MATCAP2: variants seen among roughly 807,000 people sequenced by gnomAD.
MATCAP2 encodes microtubule associated tyrosine carboxypeptidase 2.
the MATCAP2 span, among the ~76,000 whole-genome samples, chr7:36,387,761 TC>T: frequency 6.6e-6 from 1 of 152,186 alleles, no homozygotes; most frequent in African/African-American, 2.4e-5. Flanking sequence ...CCTCTTTTAG[TC>T]TTAACTAGAA....
At chr7:36,333,990 T>TA in the MATCAP2 span, 1 of 1,614,028 alleles carries the variant, frequency 6.2e-7, no homozygotes, top group Non-Finnish European at 8.5e-7. Flanking sequence ...ATAAACAGTG[T>TA]AGTAGAGGAG....
At chr7:36,342,451 C>T in the MATCAP2 span, among the ~76,000 whole-genome samples, 1 of 152,080 alleles carries the variant, frequency 6.6e-6, no homozygotes, top group South Asian at 2.1e-4. Flanking sequence ...TGCAGAACAC[C>T]ACCACATGAA....
chr7:36,353,796 A>G, the MATCAP2 span, among the ~76,000 whole-genome samples: 4 of 152,094 alleles, frequency 2.6e-5, no homozygotes, highest in Admixed American at 2.0e-4. Context: ...GTTTATTCTT[A>G]AAGTATCCAT....
the MATCAP2 span, among the ~76,000 whole-genome samples, chr7:36,346,073 T>C: frequency 2.6e-5 from 4 of 152,092 alleles, no homozygotes; most frequent in African/African-American, 7.2e-5. Flanking sequence ...CATCAGGGAA[T>C]TGCAAATCAA....
the MATCAP2 span, among the ~76,000 whole-genome samples, chr7:36,386,548 T>G: frequency 6.6e-6 from 1 of 151,494 alleles, no homozygotes; most frequent in East Asian, 1.9e-4. Context: ...ACCAAAAAAT[T>G]GGCAAGCCGA....
chr7:36,364,104 T>C, the MATCAP2 span, among the ~76,000 whole-genome samples: 1 of 141,478 alleles, frequency 7.1e-6, no homozygotes, highest in East Asian at 2.0e-4. Flanking sequence ...TTTTTTTTTT[T>C]TGTGACAGGG....
At chr7:36,347,048 C>T in the MATCAP2 span, among the ~76,000 whole-genome samples, 5 of 152,176 alleles carry the variant, frequency 3.3e-5, no homozygotes, top group East Asian at 1.9e-4. Context: ...CCTGAGCCAC[C>T]GTGTCCGGTC....
chr7:36,383,511 C>T, the MATCAP2 span, among the ~76,000 whole-genome samples: 72 of 152,256 alleles, frequency 4.7e-4, no homozygotes, highest in African/African-American at 1.7e-3. Context: ...GTGTCCTTTG[C>T]AGGGACATGG....
chr7:36,338,470 A>G, the MATCAP2 span, among the ~76,000 whole-genome samples: 1 of 151,696 alleles, frequency 6.6e-6, no homozygotes, highest in Admixed American at 6.6e-5. Context: ...CTAATTTTTA[A>G]AATTTTTTGT....
the MATCAP2 span, chr7:36,390,053 GT>G: frequency 1.9e-6 from 3 of 1,613,652 alleles, no homozygotes; most frequent in African/African-American, 2.7e-5. Flanking sequence ...AGGTGAGTGA[GT>G]TTGCGGGTGC....
At chr7:36,377,325 G>A in the MATCAP2 span, among the ~76,000 whole-genome samples, 13 of 152,152 alleles carry the variant, frequency 8.5e-5, no homozygotes, top group Non-Finnish European at 1.5e-4. Context: ...GCATTTGTTT[G>A]TTTATAAAGG....
At chr7:36,358,153 G>C in the MATCAP2 span, among the ~76,000 whole-genome samples, 2 of 151,430 alleles carry the variant, frequency 1.3e-5, no homozygotes, top group African/African-American at 4.9e-5. Flanking sequence ...AGCTGAGATC[G>C]CACCACTGCA....
the MATCAP2 span, among the ~76,000 whole-genome samples, chr7:36,364,330 C>T: frequency 1.6e-3 from 239 of 152,202 alleles, no homozygotes; most frequent in African/African-American, 5.5e-3. Flanking sequence ...TCAGGTAATC[C>T]GCCTGCTCTC....
At chr7:36,383,903 T>A in the MATCAP2 span, 209 of 1,603,768 alleles carry the variant, frequency 1.3e-4, 1 homozygote, top group South Asian at 2.2e-3. Context: ...CACTGCCTTA[T>A]GATTAGGTCT....
At chr7:36,379,307 G>A in the MATCAP2 span, among the ~76,000 whole-genome samples, 1 of 152,214 alleles carries the variant, frequency 6.6e-6, no homozygotes, top group African/African-American at 2.4e-5. Flanking sequence ...TACGAAGGCA[G>A]ACAAGAGCAT....
chr7:36,385,983 C>T, the MATCAP2 span, among the ~76,000 whole-genome samples: 4 of 151,902 alleles, frequency 2.6e-5, no homozygotes, highest in African/African-American at 9.7e-5. Context: ...GGGGAAACCC[C>T]AACTCTACTA....
the MATCAP2 span, among the ~76,000 whole-genome samples, chr7:36,359,218 A>G: frequency 6.6e-6 from 1 of 152,344 alleles, no homozygotes; most frequent in East Asian, 1.9e-4. Context: ...ACATTTGGCA[A>G]TGTCTAGAGA....
the MATCAP2 span, among the ~76,000 whole-genome samples, chr7:36,330,655 G>C: frequency 6.6e-6 from 1 of 152,056 alleles, no homozygotes; most frequent in African/African-American, 2.4e-5. Context: ...AAAATATCCT[G>C]TTCTTTGGAG....
At chr7:36,389,752 G>A in the MATCAP2 span, 12 of 420,754 alleles carry the variant, frequency 2.9e-5, no homozygotes, top group Admixed American at 4.7e-5. Context: ...ACCCGGCCCG[G>A]CGCGGCCACG....
Sources: allele counts gnomAD v4.1 joint callset (sites outside exome capture counted in the v4.1 genomes callset), GRCh38; gene constraint gnomAD v4.1.1; transcripts MANE v1.5; gene names NCBI Gene and HGNC (gene_info 2026-07-23, HGNC 2026-07-21).